Variants in CRIM1 observed in about 807,000 individuals in gnomAD.
CRIM1 encodes cysteine-rich motor neuron 1 protein.
In CRIM1, 32 loss-of-function variants were observed where a neutral mutation model predicts 116.4. That is an observed-to-expected ratio of 0.27 (90% CI 0.21 to 0.37). CRIM1 has a LOEUF of 0.37. CRIM1 is among the 10% of genes least tolerant of loss of function. The pLI, the probability that CRIM1 is intolerant of heterozygous loss-of-function variation, is 1.00. For missense variants in CRIM1, 1,331 were observed against 1,354.8 expected (o/e 0.98, Z 0.28); for synonymous variants, 590 against 509.2 (o/e 1.16, Z -2.13).
intron 3 of CRIM1, 91 bp downstream of exon 3, chr2:36,441,591 C>A: frequency 6.8e-7 from 1 of 1,477,774 alleles, no homozygotes; most frequent in Non-Finnish European, 9.2e-7. Context: ...TCCTTTCACA[C>A]GAAGATGGGC....
chr2:36,503,835 C>G (rs1401063098), intron 8 of CRIM1, among the ~76,000 whole-genome samples: 7 of 151,976 alleles, frequency 4.6e-5, no homozygotes, highest in Non-Finnish European at 1.0e-4. Context: ...GCATTTATAC[C>G]TGTTTTCTCT....
chr2:36,515,951 C>A (rs1665005582), intron 11 of CRIM1, among the ~76,000 whole-genome samples: 1 of 152,210 alleles, frequency 6.6e-6, no homozygotes, highest in Non-Finnish European at 1.5e-5. Context: ...TCTTGTTCAG[C>A]ACAGTTTTCA....
intron 1 of CRIM1, among the ~76,000 whole-genome samples, chr2:36,385,949 G>C (rs1016642690): frequency 4.6e-5 from 7 of 152,168 alleles, no homozygotes; most frequent in African/African-American, 1.4e-4. Flanking sequence ...TTTATTATCT[G>C]TGCTACCTCT....
chr2:36,418,335 G>A (rs562927610), intron 2 of CRIM1, among the ~76,000 whole-genome samples: 12 of 152,010 alleles, frequency 7.9e-5, no homozygotes, highest in Non-Finnish European at 1.5e-4. Flanking sequence ...AGATGGTCTC[G>A]CTCTGACACC....
chr2:36,441,217 A>G, intron 2 of CRIM1, 41 bp from the exon 3 acceptor site: 4 of 1,611,636 alleles, frequency 2.5e-6, no homozygotes, highest in Non-Finnish European at 3.4e-6. Context: ...AGTGCCCCAC[A>G]CTGCCCTGGG....
chr2:36,539,694 A>G (rs748288977), intron 14 of CRIM1, among the ~76,000 whole-genome samples: 2 of 152,152 alleles, frequency 1.3e-5, no homozygotes, highest in Non-Finnish European at 2.9e-5. Flanking sequence ...GGTTCTGACT[A>G]TGCCATATGA....
intron 1 of CRIM1, among the ~76,000 whole-genome samples, chr2:36,368,423 C>A (rs985767155): frequency 2.0e-5 from 3 of 152,244 alleles, no homozygotes; most frequent in African/African-American, 7.2e-5. Context: ...CTTCACCCTT[C>A]CTTTGCATGT....
At chr2:36,471,761 C>CACACACACACACACACACACACA (rs72156127) in intron 5 of CRIM1, among the ~76,000 whole-genome samples, 4 of 128,576 alleles carry the variant, frequency 3.1e-5, no homozygotes, top group African/African-American at 1.1e-4. Context: ...ACACACACAC[C>CACACACACACACACACACACACA]ATCTTACAAT....
At chr2:36,444,341 G>C (rs902790967) in intron 4 of CRIM1, among the ~76,000 whole-genome samples, 1 of 152,190 alleles carries the variant, frequency 6.6e-6, no homozygotes, top group African/African-American at 2.4e-5. Context: ...GTGATGTTCT[G>C]TAATGAATTG....
chr2:36,519,500 T>C (rs971814295), intron 12 of CRIM1, among the ~76,000 whole-genome samples: 2 of 152,232 alleles, frequency 1.3e-5, no homozygotes, highest in African/African-American at 2.4e-5. Flanking sequence ...GCCTTAAAAC[T>C]CAAATTATCA....
intron 1 of CRIM1, among the ~76,000 whole-genome samples, chr2:36,389,793 C>T (rs1671436585): frequency 6.6e-6 from 1 of 152,104 alleles, no homozygotes; most frequent in South Asian, 2.1e-4. Flanking sequence ...AGTGGAATTT[C>T]ACACACCAGC....
rs1680390413 is a variant in CRIM1, at chr2:36,493,698, AATCT to A, written c.1373-5515_1373-5512del. On this transcript the variant is annotated intron_variant, in intron 7 of 16. Transcript: ENST00000280527. ...TTCTGAGGGAGAACCAGCTCATAGT[AATCT>A]ATCTAAGAACCTTGTATGGATTAAT... Among the ~76,000 whole-genome samples, 4 of 152,184 alleles carry A rather than the reference AATCT, an allele frequency of 2.6e-5. No individual in the cohort carries two copies. The South Asian group carries it at 6.2e-4, about 24-fold the overall frequency.
At chr2:36,439,720 C>T (rs1675634674) in intron 2 of CRIM1, among the ~76,000 whole-genome samples, 1 of 152,216 alleles carries the variant, frequency 6.6e-6, no homozygotes, top group Non-Finnish European at 1.5e-5. Context: ...ATTCTCACCA[C>T]ATTGTAACTG....
At position 36,499,363 on chromosome 2, in the gene CRIM1, A is replaced by C. The variant is rs886736965; in HGVS notation, c.1501+16A>C. The C allele has an allele frequency of 1.2e-6, 2 of 1,612,210 alleles. No homozygotes were observed. The highest frequency in any genetic ancestry group is 8.5e-7 in the Non-Finnish European group (1 of 1,179,304). On this transcript the variant is annotated intron_variant, in intron 8 of 16. Coordinates refer to ENST00000280527, the MANE Select transcript of CRIM1 (RefSeq NM_016441.3). ...TGCATAAACAGTGAGTAGACAGAAG[A>C]CTGTATGTTTTTTCTGAGGCCTAAT...
chr2:36,527,552 TA>T (rs796431347), intron 13 of CRIM1, among the ~76,000 whole-genome samples: 1 of 67,796 alleles, frequency 1.5e-5, no homozygotes, highest in African/African-American at 4.0e-5. Flanking sequence ...AATGATTAAA[TA>T]ATACTTAACC....
intron 1 of CRIM1, among the ~76,000 whole-genome samples, chr2:36,367,759 G>T (rs2148295132): frequency 6.6e-6 from 1 of 152,322 alleles, no homozygotes; most frequent in East Asian, 1.9e-4. Context: ...CGGCAGTGGA[G>T]ACAGTAAAGC....
At chr2:36,491,774 C>T (rs988488450) in intron 7 of CRIM1, among the ~76,000 whole-genome samples, 1 of 152,128 alleles carries the variant, frequency 6.6e-6, no homozygotes, top group African/African-American at 2.4e-5. Context: ...ACCCATCCTC[C>T]AAGTTGAAAA....
At chr2:36,512,178 T>C in intron 9 of CRIM1, 95 bp from the exon 10 acceptor site, 1 of 1,401,058 alleles carries the variant, frequency 7.1e-7, no homozygotes, top group African/African-American at 1.4e-5. Context: ...TTCTGTTTAA[T>C]AGCAATATCA....
At chr2:36,504,121 G>T (rs1417164934) in intron 8 of CRIM1, among the ~76,000 whole-genome samples, 1 of 152,146 alleles carries the variant, frequency 6.6e-6, no homozygotes, top group South Asian at 2.1e-4. Context: ...CAATCTGCCC[G>T]ACTCGATCTC....
Sources: allele counts gnomAD v4.1 joint callset (sites outside exome capture counted in the v4.1 genomes callset), GRCh38; gene constraint gnomAD v4.1.1; transcripts MANE v1.5; gene names NCBI Gene and HGNC (gene_info 2026-07-23, HGNC 2026-07-21).